Variants in PCDH15 observed in about 807,000 individuals in gnomAD.
PCDH15 encodes the protein protocadherin related 15, also known as protocadherin-15.
PCDH15 carries 129 observed loss-of-function variants against 178.5 expected under a neutral mutation model. That is an observed-to-expected ratio of 0.72 (90% CI 0.63 to 0.84). The LOEUF (loss-of-function observed/expected upper bound fraction) is 0.84, where lower values mean the gene tolerates loss of function less well. Ranked by LOEUF, PCDH15 falls within the 40% of genes least tolerant of loss-of-function variation. The pLI, the probability that PCDH15 is intolerant of heterozygous loss-of-function variation, is 0.00. For synonymous variants in PCDH15, 800 were observed against 732.0 expected (o/e 1.09, Z -1.50); for missense variants, 2,230 against 2,099.9 (o/e 1.06, Z -1.21).
At position 54,371,780 on chromosome 10, in the gene PCDH15, G is replaced by A. The variant is rs932657683; in HGVS notation, c.319-2505C>T. On this transcript the variant is annotated intron_variant, in intron 4 of 37. Transcript: ENST00000644397. ...ATGTTAGAAATAAATTTATGCCTTCGCACTTCCAAATACTTTTCCTCTGCC... is the reference window on the plus strand; with the variant it reads ...ATGTTAGAAATAAATTTATGCCTTCACACTTCCAAATACTTTTCCTCTGCC... 2.6e-5 allele frequency among the ~76,000 whole-genome samples: 4 copies of A among 151,788 alleles called. No homozygotes were observed. The Admixed American group carries it at 2.6e-4, about 10-fold the overall frequency.
intron 2 of PCDH15, among the ~76,000 whole-genome samples, chr10:55,166,257 A>C (rs1306008049): frequency 2.0e-5 from 3 of 152,172 alleles, no homozygotes; most frequent in Non-Finnish European, 4.4e-5. Flanking sequence ...GTTCTCTCCA[A>C]GAGAATGAAA....
intron 1 of PCDH15, among the ~76,000 whole-genome samples, chr10:54,778,005 G>A (rs1388242913): frequency 1.3e-5 from 2 of 152,212 alleles, no homozygotes; most frequent in Non-Finnish European, 2.9e-5. Flanking sequence ...TATTAATTAT[G>A]TGCATACTGT....
chr10:54,824,481 T>C (rs1953094945), intron 3 of PCDH15, among the ~76,000 whole-genome samples: 1 of 152,098 alleles, frequency 6.6e-6, no homozygotes, highest in African/African-American at 2.4e-5. Flanking sequence ...TCAGGATGCA[T>C]GAGTAGGCAG....
chr10:54,356,731 A>T (rs1364959037), intron 5 of PCDH15, among the ~76,000 whole-genome samples: 2 of 152,056 alleles, frequency 1.3e-5, no homozygotes, highest in Admixed American at 1.3e-4. Context: ...GAGACTGAAG[A>T]AACATGGTAA....
chr10:54,925,435 T>C (rs1273993639), intron 2 of PCDH15, among the ~76,000 whole-genome samples: 2 of 152,314 alleles, frequency 1.3e-5, no homozygotes, highest in Admixed American at 6.5e-5. Flanking sequence ...GGCGTTTTTT[T>C]TTGTTTTCAC....
At chr10:54,126,082 T>C (rs1203451242) in intron 15 of PCDH15, among the ~76,000 whole-genome samples, 1 of 151,556 alleles carries the variant, frequency 6.6e-6, no homozygotes, top group Non-Finnish European at 1.5e-5. Context: ...ATTTTTTTTT[T>C]TTTTTTGAGA....
intron 3 of PCDH15, among the ~76,000 whole-genome samples, chr10:54,382,337 CAGG>C (rs1237415754): frequency 2.0e-5 from 3 of 152,108 alleles, no homozygotes; most frequent in African/African-American, 7.2e-5. Flanking sequence ...TATTAAATTA[CAGG>C]AGTTCATGTA....
chr10:53,931,207 A>G (rs1247780874), intron 25 of PCDH15, among the ~76,000 whole-genome samples: 3 of 152,214 alleles, frequency 2.0e-5, no homozygotes, highest in Non-Finnish European at 4.4e-5. Context: ...TGATTAAAAC[A>G]GTGTACTGTC....
At chr10:55,276,305 T>G (rs1842594670) in intron 1 of PCDH15, among the ~76,000 whole-genome samples, 1 of 151,120 alleles carries the variant, frequency 6.6e-6, no homozygotes, top group African/African-American at 2.4e-5. Flanking sequence ...AAAGAAATAC[T>G]TTCAATATTT....
chr10:55,610,861 T>G (rs898856852), intron 2 of PCDH15, among the ~76,000 whole-genome samples: 1 of 152,038 alleles, frequency 6.6e-6, no homozygotes, highest in Non-Finnish European at 1.5e-5. Context: ...AACAATTGGG[T>G]GGTTGTCTAA....
intron 1 of PCDH15, among the ~76,000 whole-genome samples, chr10:55,269,112 C>T (rs1345400140): frequency 6.6e-6 from 1 of 152,004 alleles, no homozygotes; most frequent in Non-Finnish European, 1.5e-5. Flanking sequence ...AATCAACCAA[C>T]CGGACATTGA....
chr10:55,181,408 GTTTC>G (rs2132134841), intron 1 of PCDH15, among the ~76,000 whole-genome samples: 1 of 151,918 alleles, frequency 6.6e-6, no homozygotes, highest in East Asian at 1.9e-4. Context: ...ACTAATTAAT[GTTTC>G]TTTCTATTGT....
intron 27 of PCDH15, 148 bp from the exon 28 acceptor site, chr10:53,857,411 ATTATAT>A: frequency 1.8e-6 from 1 of 562,482 alleles, no homozygotes; most frequent in South Asian, 2.6e-5. Context: ...TACATTTTTA[ATTATAT>A]GATCTACACA....
intron 32 of PCDH15, chr10:53,823,260 G>A (rs571755362): frequency 6.2e-7 from 1 of 1,613,962 alleles, no homozygotes; most frequent in Non-Finnish European, 8.5e-7. Context: ...AGCCTCAATA[G>A]TATTGGAAGA....
chr10:55,067,635 C>G (rs891370431), intron 2 of PCDH15, among the ~76,000 whole-genome samples: 1 of 68,730 alleles, frequency 1.5e-5, no homozygotes. Flanking sequence ...TGTGATAGTT[C>G]TATTTTTTTT....
chr10:53,878,634 T>C (rs2080464120), intron 26 of PCDH15, among the ~76,000 whole-genome samples: 1 of 151,390 alleles, frequency 6.6e-6, no homozygotes, highest in Non-Finnish European at 1.5e-5. Context: ...TCTACTTACA[T>C]ATTTTCATTG....
chr10:54,667,781 C>A (rs1378598639), intron 1 of PCDH15, among the ~76,000 whole-genome samples: 1 of 151,936 alleles, frequency 6.6e-6, no homozygotes, highest in Non-Finnish European at 1.5e-5. Context: ...TTGTAGGTGA[C>A]CTATAAATAA....
chr10:54,602,467 T>A (rs2092582659), intron 2 of PCDH15, among the ~76,000 whole-genome samples: 2 of 152,004 alleles, frequency 1.3e-5, no homozygotes, highest in African/African-American at 2.4e-5. Context: ...TCTTGTCTAG[T>A]TTGAATGTCT....
chr10:54,134,214 T>A lies in PCDH15; in HGVS notation c.1785-1207A>T, dbSNP rs1448451619. Among the ~76,000 whole-genome samples, 3 of 132,082 alleles carry A rather than the reference T, an allele frequency of 2.3e-5. 1 individual carries two copies. Among genetic ancestry groups the A allele is most frequent in the Non-Finnish European group, 4.9e-5 (3 of 61,264 alleles). The allele number at this position is 132,082 out of a possible 152,430, so 86.7% of individuals were successfully genotyped here. On this transcript the variant is annotated intron_variant, in intron 14 of 37. Coordinates refer to ENST00000644397, the MANE Select transcript of PCDH15 (RefSeq NM_001384140.1). The stretch of plus-strand genomic sequence containing the variant: ...CTGTGTCAAAATATCTGGCTAATTT[T>A]TGTATTTTCAGTGGAGATGGGTTGT...
Sources: allele counts gnomAD v4.1 joint callset (sites outside exome capture counted in the v4.1 genomes callset), GRCh38; gene constraint gnomAD v4.1.1; transcripts MANE v1.5; gene names NCBI Gene and HGNC (gene_info 2026-07-23, HGNC 2026-07-21).